ST6GAL2: variants seen among roughly 807,000 people sequenced by gnomAD.
ST6GAL2 encodes beta-galactoside alpha-2,6-sialyltransferase 2.
Under a neutral mutation model 37.5 loss-of-function variants are expected in ST6GAL2, and 24 were observed. The observed-to-expected ratio is 0.64, with a 90% CI of 0.46 to 0.90. The LOEUF is 0.90. ST6GAL2 is among the 40% of genes least tolerant of loss of function. The pLI is 0.00. For missense variants in ST6GAL2, 715 were observed against 712.7 expected (o/e 1.00, Z -0.04); for synonymous variants, 306 against 295.1 (o/e 1.04, Z -0.38).
chr2:106,813,204 G>T, intron 5 of ST6GAL2: 1 of 1,363,812 alleles, frequency 7.3e-7, no homozygotes, highest in South Asian at 1.9e-5. Context: ...GCTCTGATAT[G>T]GCCAATTTTT....
At position 106,840,561 on chromosome 2, in the gene ST6GAL2, G is replaced by A. The variant is rs183262705; in HGVS notation, c.943+2474C>T. ...ACAAAACAATAAAGAGAATTTTAAA[G>A]AAATTTCCAGGCATGTTCTTCAGTT... On this transcript the variant is annotated intron_variant, in intron 2 of 5. Transcript: ENST00000409382. Among the ~76,000 whole-genome samples the A allele has an allele frequency of 7.7e-3, 1,174 of 152,254 alleles. 10 individuals carry two copies. The highest frequency in any genetic ancestry group is 0.024 in the Middle Eastern group (7 of 294).
At chr2:106,856,206 G>A (rs1292132937) in intron 1 of ST6GAL2, among the ~76,000 whole-genome samples, 1 of 152,206 alleles carries the variant, frequency 6.6e-6, no homozygotes, top group Non-Finnish European at 1.5e-5. Flanking sequence ...TGTGCCTGCA[G>A]GCTGAGCTAA....
chr2:106,810,954 A>AAAATAAAT (rs57102776), intron 5 of ST6GAL2, among the ~76,000 whole-genome samples: 1,971 of 151,534 alleles, frequency 0.013, 44 homozygotes, highest in African/African-American at 0.045. Context: ...GCATCCTGTC[A>AAAATAAAT]AAATAAATAA....
intron 1 of ST6GAL2, among the ~76,000 whole-genome samples, chr2:106,870,971 C>T (rs1412445756): frequency 6.6e-6 from 1 of 152,080 alleles, no homozygotes; most frequent in Non-Finnish European, 1.5e-5. Flanking sequence ...ATGACAGAGA[C>T]ACATTCTGAG....
chr2:106,859,881 TAA>T (rs201807631), intron 1 of ST6GAL2, among the ~76,000 whole-genome samples: 2 of 148,612 alleles, frequency 1.3e-5, no homozygotes, highest in Admixed American at 1.3e-4. Flanking sequence ...TACTTCAAAT[TAA>T]AAAAAAAAAT....
chr2:106,840,475 C>T (rs1400855568), intron 2 of ST6GAL2, among the ~76,000 whole-genome samples: 1 of 152,154 alleles, frequency 6.6e-6, no homozygotes, highest in African/African-American at 2.4e-5. Flanking sequence ...ACAAATTGAG[C>T]CATGCTATGG....
chr2:106,860,378 T>C (rs1677748641), intron 1 of ST6GAL2, among the ~76,000 whole-genome samples: 1 of 152,094 alleles, frequency 6.6e-6, no homozygotes, highest in South Asian at 2.1e-4. Flanking sequence ...ATGCTTAAGG[T>C]GCTGTGGTGA....
At chr2:106,861,247 T>C (rs542743316) in intron 1 of ST6GAL2, among the ~76,000 whole-genome samples, 12 of 152,228 alleles carry the variant, frequency 7.9e-5, no homozygotes, top group Non-Finnish European at 1.6e-4. Flanking sequence ...ATATCCATAT[T>C]AAACAAGTAA....
Position 106,844,002 on chromosome 2 carries a change from T to C in ST6GAL2, c.-25A>G. The C allele has an allele frequency of 1.3e-6, 2 of 1,531,796 alleles. No individual in the cohort carries two copies. The highest frequency in any genetic ancestry group is 1.9e-5 in the Admixed American group (1 of 52,082). The allele number at this position is 1,531,796 out of a possible 1,614,324, so 94.9% of individuals were successfully genotyped here. On this transcript the variant is annotated 5_prime_UTR_variant, in exon 2 of 6. Coordinates refer to ENST00000409382, the MANE Select transcript of ST6GAL2 (RefSeq NM_001142351.2). ...TGGCAGGTCTCTGCGGTCAGCACCT[T>C]GTGTCTTAATGCAGATGGGTGGCAG...
At chr2:106,822,770 T>C (rs1676052102) in intron 5 of ST6GAL2, among the ~76,000 whole-genome samples, 1 of 152,066 alleles carries the variant, frequency 6.6e-6, no homozygotes, top group Non-Finnish European at 1.5e-5. Context: ...TTATACTAGG[T>C]TGGTACAAAA....
chr2:106,838,787 G>A (rs1676749288), intron 2 of ST6GAL2, among the ~76,000 whole-genome samples: 1 of 152,206 alleles, frequency 6.6e-6, no homozygotes, highest in African/African-American at 2.4e-5. Context: ...TGTACTTCCA[G>A]CACTTTGTGA....
chr2:106,879,042 C>T (rs61650700), intron 1 of ST6GAL2, among the ~76,000 whole-genome samples: 9,370 of 152,226 alleles, frequency 0.062, 365 homozygotes, highest in Admixed American at 0.1. Flanking sequence ...ACCAAGGTTC[C>T]TTAGGCCAGG....
intron 5 of ST6GAL2, among the ~76,000 whole-genome samples, chr2:106,808,597 G>T (rs556662362): frequency 1.6e-4 from 24 of 152,156 alleles, no homozygotes; most frequent in African/African-American, 5.8e-4. Flanking sequence ...CAGGCATTCG[G>T]GTGGCACCAA....
chr2:106,831,239 A>C (rs1021536270), intron 4 of ST6GAL2, among the ~76,000 whole-genome samples: 1 of 152,226 alleles, frequency 6.6e-6, no homozygotes, highest in African/African-American at 2.4e-5. Flanking sequence ...ATGTGGGGCC[A>C]GAGGGAGAGT....
At chr2:106,884,304 T>C (rs367934564) in intron 1 of ST6GAL2, among the ~76,000 whole-genome samples, 49 of 152,220 alleles carry the variant, frequency 3.2e-4, no homozygotes, top group African/African-American at 1.1e-3. Flanking sequence ...CACAGATAAC[T>C]GCCCTCTTCT....
intron 5 of ST6GAL2, among the ~76,000 whole-genome samples, chr2:106,822,719 A>T (rs1676050354): frequency 6.6e-6 from 1 of 152,178 alleles, no homozygotes; most frequent in Non-Finnish European, 1.5e-5. Flanking sequence ...ATCCTGAGTG[A>T]AAAGAACAAA....
chr2:106,817,931 A>G (rs1675865465), intron 5 of ST6GAL2, among the ~76,000 whole-genome samples: 1 of 152,212 alleles, frequency 6.6e-6, no homozygotes, highest in Non-Finnish European at 1.5e-5. Flanking sequence ...GGTGGAAGCC[A>G]GGCAATACTC....
intron 5 of ST6GAL2, among the ~76,000 whole-genome samples, chr2:106,816,333 C>T (rs1035538837): frequency 6.6e-6 from 1 of 152,134 alleles, no homozygotes. Flanking sequence ...TGTTAAAAAG[C>T]TAGTCAGGTT....
chr2:106,841,843 G>T (rs1280772943), intron 2 of ST6GAL2, among the ~76,000 whole-genome samples: 1 of 152,214 alleles, frequency 6.6e-6, no homozygotes, highest in East Asian at 1.9e-4. Context: ...AAAAAGATTA[G>T]AATTGGTATT....
Sources: gnomAD v4.1 joint callset for allele counts (sites outside exome capture counted in the v4.1 genomes callset) on GRCh38, gnomAD v4.1.1 for gene constraint, MANE v1.5 for transcripts, NCBI Gene and HGNC (gene_info 2026-07-23, HGNC 2026-07-21) for gene names.